Variants in AGBL2 observed in about 807,000 individuals in gnomAD.
The protein encoded by AGBL2 is AGBL carboxypeptidase 2.
Under a neutral mutation model 103.0 loss-of-function variants are expected in AGBL2, and 87 were observed. The observed-to-expected ratio is 0.84, with a 90% CI of 0.71 to 1.01. The LOEUF (loss-of-function observed/expected upper bound fraction) is 1.01. Ranked by LOEUF, AGBL2 falls within the 50% of genes least tolerant of loss-of-function variation. The pLI, the probability that AGBL2 is intolerant of heterozygous loss-of-function variation, is 0.00. For synonymous variants in AGBL2, 335 were observed against 356.7 expected (o/e 0.94, Z 0.69); for missense variants, 904 against 1,023.5 (o/e 0.88, Z 1.59).
rs2097348686 is a variant in AGBL2, at chr11:47,668,837, T to C, written c.2214+4A>G. 6.2e-7 allele frequency: 1 copy of C among 1,611,460 alleles called. No individual in the cohort carries two copies. The highest frequency in any genetic ancestry group is 1.3e-5 in the African/African-American group (1 of 74,852). On this transcript the variant is annotated splice_donor_region_variant and intron_variant, in intron 15 of 18. Transcript: ENST00000525123. ...TATTTCCTGGGTATAAGAGTTCAGC[T>C]TACCTCATCTGCTATGTTTGCTAGG...
chr11:47,681,963 A>T lies in AGBL2; in HGVS notation c.1915+6T>A. 6.2e-7 allele frequency: 1 copy of T among 1,612,176 alleles called. No individual in the cohort carries two copies. The highest frequency in any genetic ancestry group is 8.5e-7 in the Non-Finnish European group (1 of 1,179,542). On this transcript the variant is annotated splice_donor_region_variant and intron_variant, in intron 12 of 18. Coordinates refer to ENST00000525123, the MANE Select transcript of AGBL2 (RefSeq NM_024783.4). ...GCTGGCCTATGATATACAAAAGAGA[A>T]TGTACCCAGGGTGGACCCGCCAAAG...
chr11:47,678,335 A>ATTTTTTTTT (rs771416947), intron 13 of AGBL2, among the ~76,000 whole-genome samples: 2 of 67,820 alleles, frequency 2.9e-5, no homozygotes, highest in South Asian at 5.8e-4. Context: ...ATTTTATTTT[A>ATTTTTTTTT]TTATTTTATT....
chr11:47,678,288 C>CTATTT (rs10557006), intron 13 of AGBL2, among the ~76,000 whole-genome samples: 10,063 of 122,344 alleles, frequency 0.082, 964 homozygotes, highest in African/African-American at 0.2. Flanking sequence ...ATGCAATACT[C>CTATTT]TATTTTATTT....
intron 14 of AGBL2, among the ~76,000 whole-genome samples, chr11:47,669,462 A>G (rs1184400084): frequency 6.6e-6 from 1 of 151,986 alleles, no homozygotes; most frequent in Non-Finnish European, 1.5e-5. Flanking sequence ...CTTGGTCAGG[A>G]GGTGGTCAGG....
intron 14 of AGBL2, among the ~76,000 whole-genome samples, chr11:47,677,064 G>C (rs976705988): frequency 2.6e-5 from 4 of 152,066 alleles, no homozygotes; most frequent in African/African-American, 9.7e-5. Flanking sequence ...CTGGAGTGCA[G>C]TGGCATGATC....
At chr11:47,711,049 C>T (rs2097535318) in intron 3 of AGBL2, 1 of 297,646 alleles carries the variant, frequency 3.4e-6, no homozygotes, top group Non-Finnish European at 6.5e-6. Flanking sequence ...TGCACATGTA[C>T]CCTCTAATCT....
At chr11:47,714,586 A>T (rs780316204) in intron 2 of AGBL2, 32 bp downstream of exon 2, 1 of 1,611,946 alleles carries the variant, frequency 6.2e-7, no homozygotes, top group East Asian at 2.2e-5. Context: ...TCCCCGAAGA[A>T]ATTTCTGTGG....
chr11:47,710,589 T>C, intron 3 of AGBL2, 78 bp from the exon 4 acceptor site: 1 of 1,545,064 alleles, frequency 6.5e-7, no homozygotes, highest in Non-Finnish European at 8.9e-7. Context: ...ACCAAACCAC[T>C]ACTCCTTTTA....
chr11:47,676,803 G>A (rs1181061127), intron 14 of AGBL2, among the ~76,000 whole-genome samples: 5 of 126,294 alleles, frequency 4.0e-5, no homozygotes, highest in Admixed American at 2.8e-4. Flanking sequence ...GACAGAGCGA[G>A]CCTCCATCTC....
intron 10 of AGBL2, among the ~76,000 whole-genome samples, chr11:47,688,598 G>C (rs2097433265): frequency 6.6e-6 from 1 of 152,062 alleles, no homozygotes; most frequent in African/African-American, 2.4e-5. Context: ...ATAGTAAATA[G>C]ATCATGTGAT....
At chr11:47,692,704 G>A (rs891565851) in intron 8 of AGBL2, among the ~76,000 whole-genome samples, 7 of 151,578 alleles carry the variant, frequency 4.6e-5, no homozygotes, top group Admixed American at 1.3e-4. Flanking sequence ...GAGCCACCAC[G>A]CCTGGCCATC....
Position 47,705,633 on chromosome 11 carries a change from GTC to G in AGBL2, c.287-1_287del. 2.0e-6 allele frequency: 1 copy of G among 508,052 alleles called. No homozygotes were observed. The highest frequency in any genetic ancestry group is 3.4e-6 in the Non-Finnish European group (1 of 295,202). The allele number at this position is 508,052 out of a possible 1,614,324, so 31.5% of individuals were successfully genotyped here. A position where few individuals can be genotyped will look rare whatever the true frequency, so the allele number is the denominator to read the frequency against. On this transcript the variant is annotated splice_acceptor_variant and coding_sequence_variant, in exon 6 of 19. Transcript: ENST00000525123. LOFTEE classifies it high-confidence loss of function. ...GCATCCAGCCCAGGCAAGAGTGAAAGTCTGTGTCAAAAAAAAAAAAAAAAGAA... is the reference window on the plus strand; with the variant it reads ...GCATCCAGCCCAGGCAAGAGTGAAAGTGTGTCAAAAAAAAAAAAAAAAGAA...
intron 12 of AGBL2, 140 bp downstream of exon 12, chr11:47,681,829 A>T: frequency 9.9e-7 from 1 of 1,009,538 alleles, no homozygotes; most frequent in Non-Finnish European, 1.4e-6. Flanking sequence ...TATGTTGGGC[A>T]CTCAAATTTA....
In AGBL2 at chr11:47,708,339, A is replaced by T. The variant is rs527666633; in HGVS notation, c.232+2038T>A. On this transcript the variant is annotated intron_variant, in intron 4 of 18. Coordinates refer to ENST00000525123, the MANE Select transcript of AGBL2 (RefSeq NM_024783.4). ...TACCTTGGCCTCCTAAAGTGCTGGG[A>T]TTACAGGCATGAGCCACTGTGCCCA... Among the ~76,000 whole-genome samples, 5 of 150,120 alleles carry T rather than the reference A, an allele frequency of 3.3e-5. No homozygotes were observed. The South Asian group carries it at 1.1e-3, about 33-fold the overall frequency.
rs558678243 is a variant in AGBL2 at position 47,709,945 on chromosome 11, A to G, written c.232+432T>C. 2.3e-4 allele frequency among the ~76,000 whole-genome samples: 35 copies of G among 151,856 alleles called. 1 individual carries two copies. In the South Asian group the frequency reaches 6.0e-3, roughly 26 times the overall value. On this transcript the variant is annotated intron_variant, in intron 4 of 18. Coordinates refer to ENST00000525123, the MANE Select transcript of AGBL2 (RefSeq NM_024783.4). ...CACTTTGTCACCCAGGCTGGAGTAC[A>G]GTGGCCCAACCTCGGCTCATTGCAA...
intron 7 of AGBL2, among the ~76,000 whole-genome samples, chr11:47,703,874 G>A (rs2097507220): frequency 6.8e-6 from 1 of 147,898 alleles, no homozygotes; most frequent in Admixed American, 6.9e-5. Context: ...GCAGTGAGCC[G>A]AGCTCATGCC....
At chr11:47,697,411 T>G (rs1300085131) in intron 8 of AGBL2, among the ~76,000 whole-genome samples, 1 of 151,920 alleles carries the variant, frequency 6.6e-6, no homozygotes, top group Non-Finnish European at 1.5e-5. Flanking sequence ...GCTAATTTTT[T>G]GTATTTTTAG....
At chr11:47,710,575 C>G in intron 3 of AGBL2, 64 bp from the exon 4 acceptor site, 1 of 1,585,712 alleles carries the variant, frequency 6.3e-7, no homozygotes, top group East Asian at 2.2e-5. Flanking sequence ...ACATCTAGGT[C>G]AATACCAAAC....
chr11:47,661,216 C>T (rs1390161498), intron 18 of AGBL2, among the ~76,000 whole-genome samples: 1 of 151,882 alleles, frequency 6.6e-6, no homozygotes. Flanking sequence ...GTTTGGATAA[C>T]ATTCATCCAC....
Sources: gnomAD v4.1 joint callset for allele counts (sites outside exome capture counted in the v4.1 genomes callset) on GRCh38, gnomAD v4.1.1 for gene constraint, MANE v1.5 for transcripts, NCBI Gene and HGNC (gene_info 2026-07-23, HGNC 2026-07-21) for gene names.